NRXN1: variants seen among roughly 807,000 people sequenced by gnomAD.
NRXN1 encodes neurexin-1.
NRXN1 carries 39 observed loss-of-function variants against 150.9 expected under a neutral mutation model. The observed-to-expected ratio is 0.26, with a 90% CI of 0.20 to 0.34. The LOEUF (loss-of-function observed/expected upper bound fraction) is 0.34. Among genes scored for constraint, NRXN1 ranks in the 10% least tolerant of loss-of-function variants. The pLI, the probability that NRXN1 is intolerant of heterozygous loss-of-function variation, is 1.00. For synonymous variants in NRXN1, 924 were observed against 757.0 expected, an observed-to-expected ratio of 1.22 and a Z score of -3.62; for missense variants, 1,815 against 1,949.9, an observed-to-expected ratio of 0.93 and a Z score of 1.30.
intron 18 of NRXN1, among the ~76,000 whole-genome samples, chr2:50,197,216 T>A (rs1386049412): frequency 6.6e-6 from 1 of 152,128 alleles, no homozygotes; most frequent in Non-Finnish European, 1.5e-5. Context: ...TTTAGATGCA[T>A]AACAGTTCAA....
intron 8 of NRXN1, among the ~76,000 whole-genome samples, chr2:50,602,959 G>T (rs2103965564): frequency 6.6e-6 from 1 of 152,234 alleles, no homozygotes; most frequent in East Asian, 1.9e-4. Flanking sequence ...GATATTTCCT[G>T]GTCTTTGCCA....
chr2:50,766,278 C>T (rs1463175522), intron 5 of NRXN1, among the ~76,000 whole-genome samples: 1 of 151,926 alleles, frequency 6.6e-6, no homozygotes, highest in African/African-American at 2.4e-5. Context: ...GTGTCACTTA[C>T]ATGGATGGGA....
At chr2:50,493,186 C>A (rs557015455) in intron 15 of NRXN1, among the ~76,000 whole-genome samples, 1 of 152,154 alleles carries the variant, frequency 6.6e-6, no homozygotes, top group Non-Finnish European at 1.5e-5. Flanking sequence ...CAGCTCAGTG[C>A]TACATGATTA....
At chr2:50,970,940 C>T (rs1694899125) in intron 2 of NRXN1, among the ~76,000 whole-genome samples, 1 of 152,002 alleles carries the variant, frequency 6.6e-6, no homozygotes. Flanking sequence ...CTTATATTTT[C>T]TTCTAACACA....
chr2:50,381,347 G>A (rs989839707), intron 17 of NRXN1, among the ~76,000 whole-genome samples: 4 of 151,964 alleles, frequency 2.6e-5, no homozygotes, highest in African/African-American at 9.7e-5. Context: ...ACAAAGGAAT[G>A]GGTGGCAGAA....
At chr2:50,030,560 C>G (rs1175469951) in intron 21 of NRXN1, among the ~76,000 whole-genome samples, 2 of 152,104 alleles carry the variant, frequency 1.3e-5, no homozygotes, top group Non-Finnish European at 2.9e-5. Flanking sequence ...CTGTCCAACA[C>G]TTTGTTTCTT....
intron 17 of NRXN1, 31 bp downstream of exon 17, chr2:50,465,411 A>T: frequency 6.4e-7 from 1 of 1,567,100 alleles, no homozygotes; most frequent in Non-Finnish European, 8.7e-7. Flanking sequence ...AGCAACGATG[A>T]GTATCAGTCC....
Position 49,977,528 on chromosome 2 carries a change from G to A in NRXN1, c.4129-33737C>T, listed in dbSNP as rs1399350521. On this transcript the variant is annotated intron_variant, in intron 21 of 22. Coordinates refer to ENST00000401669, the MANE Select transcript of NRXN1 (RefSeq NM_001330078.2). ...ATTAAATAAATATATTCTGTATTAT[G>A]AAGCATATATTGTAACGTGACAAGA... 3.3e-5 allele frequency among the ~76,000 whole-genome samples: 5 copies of A among 152,164 alleles called. No individual in the cohort carries two copies. In the East Asian group the frequency reaches 7.7e-4, roughly 23 times the overall value.
intron 17 of NRXN1, among the ~76,000 whole-genome samples, chr2:50,336,661 A>G (rs533661605): frequency 1.4e-4 from 21 of 152,334 alleles, no homozygotes; most frequent in Admixed American, 2.6e-4. Context: ...CAGATTATCA[A>G]TTTGGTAGGG....
At chr2:50,974,113 G>A (rs532886882) in intron 2 of NRXN1, among the ~76,000 whole-genome samples, 4 of 152,244 alleles carry the variant, frequency 2.6e-5, no homozygotes, top group South Asian at 2.1e-4. Flanking sequence ...AGGGTGACTC[G>A]TTCAAAGCTC....
intron 5 of NRXN1, among the ~76,000 whole-genome samples, chr2:50,864,875 C>T (rs1244238008): frequency 1.3e-5 from 2 of 152,002 alleles, no homozygotes; most frequent in Non-Finnish European, 2.9e-5. Context: ...TGCTGTGCTA[C>T]ATCTCCAGAG....
intron 5 of NRXN1, among the ~76,000 whole-genome samples, chr2:50,805,832 G>T (rs909514755): frequency 6.6e-6 from 1 of 152,138 alleles, no homozygotes; most frequent in African/African-American, 2.4e-5. Context: ...CTGATAGCTG[G>T]CATGATCCAC....
At chr2:50,254,814 T>C (rs577827312) in intron 17 of NRXN1, among the ~76,000 whole-genome samples, 10 of 152,264 alleles carry the variant, frequency 6.6e-5, no homozygotes, top group East Asian at 1.9e-4. Context: ...TTTATTTTTT[T>C]TGTAGACACT....
chr2:50,704,220 T>C lies in NRXN1; in HGVS notation c.833-80605A>G, dbSNP rs534226464. On this transcript the variant is annotated intron_variant, in intron 5 of 22. Coordinates refer to ENST00000401669, the MANE Select transcript of NRXN1 (RefSeq NM_001330078.2). ...AACAGAGAAGAAAGATTATAAAAGA[T>C]TGATACTAATCCAAATATAGTTTTT... 3.3e-5 allele frequency among the ~76,000 whole-genome samples: 5 copies of C among 152,190 alleles called. No individual in the cohort carries two copies. In the South Asian group the frequency reaches 8.3e-4, roughly 25 times the overall value.
chr2:50,205,363 A>G (rs2062490893), intron 18 of NRXN1, among the ~76,000 whole-genome samples: 1 of 152,088 alleles, frequency 6.6e-6, no homozygotes, highest in Admixed American at 6.6e-5. Flanking sequence ...TCCCTTTCCT[A>G]TAAACCTAAT....
At chr2:50,306,971 A>AT (rs1452580809) in intron 17 of NRXN1, among the ~76,000 whole-genome samples, 2 of 151,866 alleles carry the variant, frequency 1.3e-5, no homozygotes, top group South Asian at 2.1e-4. Flanking sequence ...TAATATGAGC[A>AT]TTTTTTTGTG....
chr2:50,282,818 A>T (rs532001366), intron 17 of NRXN1, among the ~76,000 whole-genome samples: 5 of 152,258 alleles, frequency 3.3e-5, no homozygotes, highest in South Asian at 4.1e-4. Context: ...TGAGTAGTCG[A>T]GGCAAACAGA....
chr2:50,280,567 T>G (rs903968063), intron 17 of NRXN1, among the ~76,000 whole-genome samples: 2 of 152,134 alleles, frequency 1.3e-5, no homozygotes, highest in Non-Finnish European at 2.9e-5. Flanking sequence ...AAGCTCAGCC[T>G]CCTCATCTGT....
chr2:50,214,507 T>C (rs569569161), intron 18 of NRXN1, among the ~76,000 whole-genome samples: 2 of 152,092 alleles, frequency 1.3e-5, no homozygotes, highest in East Asian at 3.9e-4. Context: ...TCAACATTAG[T>C]ATGACTAATG....
Sources: allele counts gnomAD v4.1 joint callset (sites outside exome capture counted in the v4.1 genomes callset), GRCh38; gene constraint gnomAD v4.1.1; transcripts MANE v1.5; gene names NCBI Gene and HGNC (gene_info 2026-07-23, HGNC 2026-07-21).